The following DCDC1 variants were observed in gnomAD, a reference collection of about 807,000 sequenced individuals.
DCDC1 encodes the protein doublecortin domain-containing protein 1.
A neutral mutation model predicts 178.3 loss-of-function variants in DCDC1; 200 were observed. The ratio of observed to expected loss-of-function variants is 1.12; its 90% confidence interval spans 1.00 to 1.26. The LOEUF is 1.26. Ranked by LOEUF, DCDC1 falls within the 50% of genes most tolerant of loss-of-function variation. The probability of loss-of-function intolerance (pLI) is 0.00; values close to 1 mark genes in which losing one functional copy is unlikely to be tolerated. For synonymous variants in DCDC1, 690 were observed against 604.8 expected (o/e 1.14, Z -2.07); for missense variants, 1,983 against 1,749.2 (o/e 1.13, Z -2.38).
intron 20 of DCDC1, among the ~76,000 whole-genome samples, chr11:31,051,868 C>T (rs1429168660): frequency 1.3e-5 from 2 of 152,042 alleles, no homozygotes; most frequent in Non-Finnish European, 2.9e-5. Flanking sequence ...AAAAACAGAA[C>T]ATCTTTAAAG....
At chr11:31,346,826 A>T (rs1157416681) in intron 1 of DCDC1, among the ~76,000 whole-genome samples, 2 of 152,348 alleles carry the variant, frequency 1.3e-5, no homozygotes, top group African/African-American at 4.8e-5. Context: ...TGAAGAGTAC[A>T]TGGAGGTTTT....
chr11:30,971,456 T>C (rs1590608270), intron 20 of DCDC1, among the ~76,000 whole-genome samples: 3 of 151,998 alleles, frequency 2.0e-5, no homozygotes, highest in African/African-American at 7.2e-5. Context: ...GAGAAATTTA[T>C]TAAAGAGATA....
At chr11:31,099,404 A>G (rs939712029) in intron 15 of DCDC1, among the ~76,000 whole-genome samples, 1 of 152,164 alleles carries the variant, frequency 6.6e-6, no homozygotes, top group Non-Finnish European at 1.5e-5. Flanking sequence ...CTTTCTACAG[A>G]AAAACCAGAA....
chr11:31,032,824 G>A (rs1276822342), intron 20 of DCDC1, among the ~76,000 whole-genome samples: 1 of 152,106 alleles, frequency 6.6e-6, no homozygotes. Flanking sequence ...GCTAACAGGA[G>A]GATAAAATAA....
At chr11:31,074,918 G>A (rs1956777528) in intron 18 of DCDC1, among the ~76,000 whole-genome samples, 1 of 152,078 alleles carries the variant, frequency 6.6e-6, no homozygotes, top group African/African-American at 2.4e-5. Flanking sequence ...ACTATTATTT[G>A]TATACATTTA....
intron 9 of DCDC1, among the ~76,000 whole-genome samples, chr11:31,183,931 A>G (rs980206797): frequency 1.3e-5 from 2 of 152,300 alleles, no homozygotes; most frequent in Admixed American, 1.3e-4. Context: ...AATTAGAAAA[A>G]CCTACTTTAA....
rs1974571607 is a variant in DCDC1 at position 31,223,819 on chromosome 11, A to C, written c.1221+17631T>G. 2.0e-5 allele frequency among the ~76,000 whole-genome samples: 3 copies of C among 152,148 alleles called. No homozygotes were observed. In the South Asian group the frequency reaches 6.2e-4, roughly 32 times the overall value. ...ACATATATATGTAATATATACATATAAATATGAACGTATATGCTTTAATAT... is the reference window on the plus strand; with the variant it reads ...ACATATATATGTAATATATACATATCAATATGAACGTATATGCTTTAATAT... On this transcript the variant is annotated intron_variant, in intron 9 of 38. Coordinates refer to ENST00000684477, the MANE Select transcript of DCDC1 (RefSeq NM_001387274.1).
intron 21 of DCDC1, among the ~76,000 whole-genome samples, chr11:30,940,648 A>G (rs538840139): frequency 6.6e-6 from 1 of 152,188 alleles, no homozygotes; most frequent in African/African-American, 2.4e-5. Context: ...TTTTATCTTA[A>G]TCAGTTTTGA....
chr11:31,120,466 C>G (rs943958234), intron 11 of DCDC1, among the ~76,000 whole-genome samples: 15 of 152,088 alleles, frequency 9.9e-5, no homozygotes, highest in African/African-American at 3.6e-4. Flanking sequence ...AAGAAAGAGC[C>G]TGAATTGCCA....
chr11:31,341,617 C>T (rs1950551832), intron 1 of DCDC1, among the ~76,000 whole-genome samples: 1 of 152,088 alleles, frequency 6.6e-6, no homozygotes, highest in African/African-American at 2.4e-5. Flanking sequence ...CTGTGTAGAA[C>T]ACCGTAGGCA....
intron 36 of DCDC1, among the ~76,000 whole-genome samples, chr11:30,884,390 T>G (rs1346834795): frequency 1.3e-5 from 2 of 152,038 alleles, no homozygotes; most frequent in East Asian, 3.9e-4. Context: ...TGTTACGAAT[T>G]TTTTTTATGA....
intron 20 of DCDC1, among the ~76,000 whole-genome samples, chr11:31,035,431 T>C (rs1953959976): frequency 6.6e-6 from 1 of 152,238 alleles, no homozygotes; most frequent in African/African-American, 2.4e-5. Flanking sequence ...ATTTCCCTTG[T>C]CTTTCATGAC....
chr11:31,145,440 G>C (rs1964339847), intron 9 of DCDC1, among the ~76,000 whole-genome samples: 2 of 152,180 alleles, frequency 1.3e-5, no homozygotes, highest in South Asian at 4.1e-4. Flanking sequence ...TATTGGAGCT[G>C]AAAGGTACAT....
At chr11:30,953,711 A>T (rs1251786230) in intron 20 of DCDC1, among the ~76,000 whole-genome samples, 2 of 152,130 alleles carry the variant, frequency 1.3e-5, no homozygotes, top group Non-Finnish European at 2.9e-5. Context: ...ATGCCATGTG[A>T]CCCAGCAATC....
At chr11:30,977,728 G>A (rs995464186) in intron 20 of DCDC1, among the ~76,000 whole-genome samples, 12 of 152,004 alleles carry the variant, frequency 7.9e-5, no homozygotes, top group African/African-American at 2.7e-4. Context: ...TCAGGTGTTC[G>A]AGACCAGCAG....
At position 30,929,399 on chromosome 11, in the gene DCDC1, C is replaced by T. The variant is rs566484549; in HGVS notation, c.2897+2372G>A. 1.1e-4 allele frequency among the ~76,000 whole-genome samples: 16 copies of T among 152,144 alleles called. No individual in the cohort carries two copies. The South Asian group carries it at 3.3e-3, about 32-fold the overall frequency. On this transcript the variant is annotated intron_variant, in intron 22 of 38. Coordinates refer to ENST00000684477, the MANE Select transcript of DCDC1 (RefSeq NM_001387274.1). ...GAATACACAGTAGACACAACTAACT[C>T]GAGAGGAGAGAGTGTCTCATTCAGG...
At chr11:31,119,494 C>A (rs371914625) in intron 11 of DCDC1, among the ~76,000 whole-genome samples, 1 of 151,962 alleles carries the variant, frequency 6.6e-6, no homozygotes, top group East Asian at 1.9e-4. Flanking sequence ...AAGAACGACA[C>A]GGATCAAGGA....
intron 15 of DCDC1, among the ~76,000 whole-genome samples, chr11:31,101,613 C>T (rs1231921516): frequency 6.6e-6 from 1 of 152,064 alleles, no homozygotes; most frequent in Non-Finnish European, 1.5e-5. Flanking sequence ...TCAAACAATA[C>T]AGCTTAAATA....
intron 11 of DCDC1, among the ~76,000 whole-genome samples, chr11:31,113,544 G>GT (rs1191189715): frequency 1.3e-5 from 2 of 150,210 alleles, no homozygotes; most frequent in African/African-American, 2.5e-5. Context: ...GTGGTGTTTG[G>GT]TTTTTTGTCC....
Sources: allele counts gnomAD v4.1 joint callset (sites outside exome capture counted in the v4.1 genomes callset), GRCh38; gene constraint gnomAD v4.1.1; transcripts MANE v1.5; gene names NCBI Gene and HGNC (gene_info 2026-07-23, HGNC 2026-07-21).